GATB: variants seen among roughly 807,000 people sequenced by gnomAD.
The protein encoded by GATB is glutamyl-tRNA(Gln) amidotransferase subunit B, mitochondrial.
GATB carries 39 observed loss-of-function variants against 62.3 expected under a neutral mutation model. The observed-to-expected ratio is 0.63, with a 90% CI of 0.48 to 0.82. GATB has a LOEUF of 0.82. GATB is among the 40% of genes least tolerant of loss of function. The pLI, the probability that GATB is intolerant of heterozygous loss-of-function variation, is 0.00. For missense variants in GATB, 670 were observed against 684.0 expected (o/e 0.98, Z 0.23); for synonymous variants, 276 against 258.9 (o/e 1.07, Z -0.63).
At chr4:151,689,657 A>G (rs1227360523) in intron 9 of GATB, among the ~76,000 whole-genome samples, 1 of 152,044 alleles carries the variant, frequency 6.6e-6, no homozygotes, top group Admixed American at 6.5e-5. Context: ...AATGGCAAGA[A>G]CCGCAATTAC....
At chr4:151,759,270 AT>A (rs1213846181) in intron 1 of GATB, among the ~76,000 whole-genome samples, 2 of 152,342 alleles carry the variant, frequency 1.3e-5, no homozygotes, top group Admixed American at 6.5e-5. Context: ...GAAAAGCGGC[AT>A]TTAACAAATT....
At chr4:151,692,951 G>C (rs565862049) in intron 9 of GATB, among the ~76,000 whole-genome samples, 50 of 152,304 alleles carry the variant, frequency 3.3e-4, no homozygotes, top group African/African-American at 1.1e-3. Flanking sequence ...CACTGGACAA[G>C]GCTCTCCCAC....
chr4:151,681,019 G>A (rs1738127656), intron 10 of GATB, among the ~76,000 whole-genome samples: 1 of 152,232 alleles, frequency 6.6e-6, no homozygotes, highest in Admixed American at 6.5e-5. Flanking sequence ...GTGTTACACT[G>A]TGTAAATGAG....
intron 6 of GATB, among the ~76,000 whole-genome samples, chr4:151,706,440 T>C (rs1295973565): frequency 6.6e-6 from 1 of 152,082 alleles, no homozygotes; most frequent in Non-Finnish European, 1.5e-5. Flanking sequence ...CAGGGGGAGG[T>C]GGAACTTCCT....
intron 2 of GATB, among the ~76,000 whole-genome samples, chr4:151,754,075 C>CCCT (rs1230805308): frequency 6.6e-6 from 1 of 152,146 alleles, no homozygotes; most frequent in Non-Finnish European, 1.5e-5. Context: ...TTCTTGTACT[C>CCCT]CCTCCTTCTC....
At chr4:151,741,157 T>C (rs1441778658) in intron 2 of GATB, among the ~76,000 whole-genome samples, 1 of 152,092 alleles carries the variant, frequency 6.6e-6, no homozygotes, top group African/African-American at 2.4e-5. Context: ...GTATGTATGA[T>C]GAAGTTTAAT....
intron 7 of GATB, among the ~76,000 whole-genome samples, chr4:151,704,898 A>G (rs1285818706): frequency 6.7e-6 from 1 of 149,326 alleles, no homozygotes; most frequent in Non-Finnish European, 1.5e-5. Context: ...ACAGGCACCC[A>G]TCACCATGCC....
In GATB at chr4:151,719,743, G is replaced by A. The variant is rs76921466; in HGVS notation, c.328-205C>T. The A allele has an allele frequency of 5.9e-3, 2,495 of 423,834 alleles. 54 individuals are homozygous for A. The highest frequency in any genetic ancestry group is 0.044 in the African/African-American group (2,104 of 47,552). 26.3% of individuals were successfully genotyped at this position (423,834 alleles called of 1,614,324 possible). A position where few individuals can be genotyped will look rare whatever the true frequency, so the allele number is the denominator to read the frequency against. ...TATAAAGAAGAAAATGTATGCAGCA[G>A]TGGGTCCCACCGGGCACTTAAGGAA... On this transcript the variant is annotated intron_variant, in intron 2 of 12. Transcript: ENST00000263985.
chr4:151,699,297 G>A (rs537125503), intron 9 of GATB, among the ~76,000 whole-genome samples: 4 of 151,748 alleles, frequency 2.6e-5, no homozygotes, highest in Non-Finnish European at 5.9e-5. Context: ...GCTGAGGTGG[G>A]AGGATGTCTT....
chr4:151,678,469 A>G (rs1447066520), intron 11 of GATB, among the ~76,000 whole-genome samples: 1 of 152,066 alleles, frequency 6.6e-6, no homozygotes, highest in Non-Finnish European at 1.5e-5. Context: ...ACATATATAT[A>G]TAGTGCTTTT....
At chr4:151,745,147 T>C (rs111550932) in intron 2 of GATB, among the ~76,000 whole-genome samples, 17 of 152,288 alleles carry the variant, frequency 1.1e-4, no homozygotes, top group African/African-American at 3.4e-4. Flanking sequence ...TCATAGAAAA[T>C]GGTCACATTT....
chr4:151,721,143 C>CA (rs1739023658), intron 2 of GATB: 1 of 152,236 alleles, frequency 6.6e-6, no homozygotes, highest in African/African-American at 2.4e-5. Flanking sequence ...GAGGCTGAGG[C>CA]AGGAGAATCA....
rs147039038 is a variant in GATB at position 151,739,480 on chromosome 4, G to A, written c.327+19292C>T. The stretch of plus-strand genomic sequence containing the variant: ...AAAAAACTCCCCAAGATGCCGCAGC[G>A]TAGAAAATAGCCAACTCTCCCCACA... On this transcript the variant is annotated intron_variant, in intron 2 of 12. Transcript: ENST00000263985. 2.9e-3 allele frequency among the ~76,000 whole-genome samples: 437 copies of A among 152,272 alleles called. 4 individuals are homozygous for A. The East Asian group carries it at 0.049, about 17-fold the overall frequency.
At chr4:151,709,333 C>T (rs1738774214) in intron 5 of GATB, among the ~76,000 whole-genome samples, 1 of 152,188 alleles carries the variant, frequency 6.6e-6, no homozygotes, top group South Asian at 2.1e-4. Flanking sequence ...GCCCAATTGC[C>T]ACCCGTGCTG....
intron 10 of GATB, among the ~76,000 whole-genome samples, chr4:151,680,954 G>C (rs890713718): frequency 6.6e-6 from 1 of 152,210 alleles, no homozygotes; most frequent in Non-Finnish European, 1.5e-5. Flanking sequence ...CTGCCTATCT[G>C]AGATCATTTG....
At chr4:151,739,700 C>T (rs767839508) in intron 2 of GATB, among the ~76,000 whole-genome samples, 6 of 152,126 alleles carry the variant, frequency 3.9e-5, no homozygotes, top group East Asian at 1.9e-4. Context: ...ATTTGGGCAA[C>T]GGTCATTCCC....
intron 2 of GATB, among the ~76,000 whole-genome samples, chr4:151,733,662 A>AT (rs1227994675): frequency 1.3e-5 from 2 of 152,132 alleles, no homozygotes; most frequent in Non-Finnish European, 2.9e-5. Flanking sequence ...CAAACAAAAA[A>AT]GAATATATCC....
At chr4:151,728,786 T>C (rs1739187233) in intron 2 of GATB, among the ~76,000 whole-genome samples, 1 of 152,186 alleles carries the variant, frequency 6.6e-6, no homozygotes, top group Admixed American at 6.5e-5. Context: ...TCTTTATATA[T>C]AAGATTAGTA....
chr4:151,752,833 A>G (rs1371833837), intron 2 of GATB, among the ~76,000 whole-genome samples: 1 of 152,150 alleles, frequency 6.6e-6, no homozygotes, highest in Non-Finnish European at 1.5e-5. Flanking sequence ...CTCAATCTAT[A>G]TTTTAAAGTA....
Sources: allele counts gnomAD v4.1 joint callset (sites outside exome capture counted in the v4.1 genomes callset), GRCh38; gene constraint gnomAD v4.1.1; transcripts MANE v1.5; gene names NCBI Gene and HGNC (gene_info 2026-07-23, HGNC 2026-07-21).